FRK: variants seen among roughly 807,000 people sequenced by gnomAD.
FRK encodes the protein tyrosine-protein kinase FRK.
In FRK, 51 loss-of-function variants were observed where a neutral mutation model predicts 56.4. That is an observed-to-expected ratio of 0.90 (90% CI 0.72 to 1.14). The LOEUF is 1.14. Ranked by LOEUF, FRK falls within the 50% of genes most tolerant of loss-of-function variation. The pLI, the probability that FRK is intolerant of heterozygous loss-of-function variation, is 0.00. For missense variants in FRK, 570 were observed against 601.4 expected (o/e 0.95, Z 0.55); for synonymous variants, 245 against 217.9 (o/e 1.12, Z -1.10).
the FRK span, among the ~76,000 whole-genome samples, chr6:116,081,015 G>A: frequency 6.6e-6 from 1 of 152,218 alleles, no homozygotes; most frequent in African/African-American, 2.4e-5. Context: ...GGAAGGCAAA[G>A]GAGGAGCAAA....
Position 115,942,383 on chromosome 6 carries a change from T to C in FRK, c.*31A>G. 2 of 1,536,420 alleles carry C rather than the reference T, an allele frequency of 1.3e-6. No homozygotes were observed. The highest frequency in any genetic ancestry group is 1.8e-6 in the Non-Finnish European group (2 of 1,111,636). ...AATGGATTATTTGAATTTGTTTTGC[T>C]ACTTTATTATTTGATATTCTTCTCC... On this transcript the variant is annotated 3_prime_UTR_variant, in exon 8 of 8. Coordinates refer to ENST00000606080, the MANE Select transcript of FRK (RefSeq NM_002031.3).
At chr6:115,980,820 G>A (rs940808803) in intron 2 of FRK, among the ~76,000 whole-genome samples, 8 of 152,036 alleles carry the variant, frequency 5.3e-5, no homozygotes, top group African/African-American at 1.7e-4. Flanking sequence ...ACATAAGCCA[G>A]TGAGAAGCAC....
intron 1 of FRK, chr6:116,038,987 C>G (rs1318795181): frequency 7.0e-6 from 5 of 714,564 alleles, no homozygotes; most frequent in Admixed American, 1.8e-5. Flanking sequence ...CTTGGGAGAT[C>G]AGCCCTGGCA....
intron 1 of FRK, among the ~76,000 whole-genome samples, chr6:116,007,929 T>C (rs1775310842): frequency 6.6e-6 from 1 of 152,100 alleles, no homozygotes; most frequent in African/African-American, 2.4e-5. Flanking sequence ...TCTAAGTATG[T>C]TTTTATTTGA....
rs999199606 is a variant in FRK at position 115,940,573 on chromosome 6, C to T, written c.*1841G>A. ...CAGAATGGGAGAAAATTTTTGCAAGCTATCCATCTGACAAAGGGCTAATAC... is the reference window on the plus strand; with the variant it reads ...CAGAATGGGAGAAAATTTTTGCAAGTTATCCATCTGACAAAGGGCTAATAC... On this transcript the variant is annotated 3_prime_UTR_variant, in exon 8 of 8. Transcript: ENST00000606080. 1 of 152,094 alleles carries T rather than the reference C, an allele frequency of 6.6e-6. No individual in the cohort carries two copies. Among genetic ancestry groups the T allele is most frequent in the African/African-American group, 2.4e-5 (1 of 41,430 alleles). 9.4% of individuals were successfully genotyped at this position (152,094 alleles called of 1,614,324 possible).
chr6:116,052,818 G>C (rs1777230361), intron 1 of FRK, among the ~76,000 whole-genome samples: 1 of 152,142 alleles, frequency 6.6e-6, no homozygotes, highest in Non-Finnish European at 1.5e-5. Context: ...CTGTTACAGG[G>C]AAAGAATATT....
chr6:115,954,251 G>C (rs1230907142), intron 5 of FRK, among the ~76,000 whole-genome samples: 8 of 152,202 alleles, frequency 5.3e-5, no homozygotes, highest in Non-Finnish European at 1.5e-5. Context: ...GCAAGGAGAA[G>C]TTGTAGAAGA....
chr6:116,019,654 G>A (rs1407114695), intron 1 of FRK, among the ~76,000 whole-genome samples: 1 of 152,176 alleles, frequency 6.6e-6, no homozygotes. Flanking sequence ...CTAGAAATGA[G>A]AGAAATTGCA....
chr6:115,997,880 A>G (rs1380460902), intron 2 of FRK, among the ~76,000 whole-genome samples: 3 of 152,216 alleles, frequency 2.0e-5, no homozygotes, highest in African/African-American at 7.2e-5. Flanking sequence ...AGCTTCCCAC[A>G]GGCCAAGTGA....
chr6:116,035,150 A>G (rs1432367902), intron 1 of FRK, among the ~76,000 whole-genome samples: 1 of 152,058 alleles, frequency 6.6e-6, no homozygotes, highest in Non-Finnish European at 1.5e-5. Context: ...GAGTTTTGCT[A>G]TATAGTAGAG....
intron 2 of FRK, among the ~76,000 whole-genome samples, chr6:115,984,950 A>G (rs9400883): frequency 0.097 from 14,741 of 152,152 alleles, 1,035 homozygotes; most frequent in East Asian, 0.32. Flanking sequence ...GAAAGCTTCA[A>G]TAAGCACATC....
At position 116,058,897 on chromosome 6, in the gene FRK, C is replaced by T. The variant is rs902401108; in HGVS notation, c.344+1071G>A. ...CTGCACTCCAGCCTGGGGGACAGAG[C>T]GAGACTCCGTCTCAAAAAAAAAAAA... On this transcript the variant is annotated intron_variant, in intron 1 of 7. Coordinates refer to ENST00000606080, the MANE Select transcript of FRK (RefSeq NM_002031.3). Among the ~76,000 whole-genome samples the T allele has an allele frequency of 8.7e-5, 11 of 126,060 alleles. No individual in the cohort carries two copies. The Admixed American group carries it at 9.0e-4, about 10-fold the overall frequency. 82.7% of individuals were successfully genotyped at this position (126,060 alleles called of 152,430 possible). A position where few individuals can be genotyped will look rare whatever the true frequency, so the allele number is the denominator to read the frequency against.
rs577972674 is a variant in FRK at position 116,015,907 on chromosome 6, G to C, written c.345-11909C>G. Among the ~76,000 whole-genome samples the C allele has an allele frequency of 4.6e-5, 7 of 152,294 alleles. No individual in the cohort carries two copies. In the South Asian group the frequency reaches 8.3e-4, roughly 18 times the overall value. ...GCAGTCAGTCATATGCATTCACCAA[G>C]AGATTATCTGAAACTGGAACTTTTA... On this transcript the variant is annotated intron_variant, in intron 1 of 7. Coordinates refer to ENST00000606080, the MANE Select transcript of FRK (RefSeq NM_002031.3).
the FRK span, among the ~76,000 whole-genome samples, chr6:116,095,678 C>T: frequency 6.6e-6 from 1 of 152,144 alleles, no homozygotes; most frequent in Admixed American, 6.5e-5. Context: ...CCTACTACCA[C>T]ACACTCTCAA....
intron 1 of FRK, among the ~76,000 whole-genome samples, chr6:116,049,002 T>G (rs1777091251): frequency 6.6e-6 from 1 of 151,974 alleles, no homozygotes; most frequent in East Asian, 1.9e-4. Flanking sequence ...GTACCACAAA[T>G]TAAAATTAAG....
intron 1 of FRK, among the ~76,000 whole-genome samples, chr6:116,029,372 C>T (rs1486342739): frequency 6.6e-6 from 1 of 152,132 alleles, no homozygotes; most frequent in Non-Finnish European, 1.5e-5. Flanking sequence ...GGCCTAAAAT[C>T]ATGCTCAGAT....
At chr6:116,021,354 A>G (rs1015293455) in intron 1 of FRK, among the ~76,000 whole-genome samples, 1 of 152,138 alleles carries the variant, frequency 6.6e-6, no homozygotes, top group African/African-American at 2.4e-5. Context: ...AGAGAAATGT[A>G]TCATGAGGAA....
chr6:115,959,982 G>A (rs1352094587), intron 4 of FRK, among the ~76,000 whole-genome samples: 2 of 151,922 alleles, frequency 1.3e-5, no homozygotes, highest in Non-Finnish European at 2.9e-5. Context: ...AAAACTAACA[G>A]TTATTTTGAT....
At chr6:115,953,411 G>C (rs1289040345) in intron 5 of FRK, among the ~76,000 whole-genome samples, 2 of 151,604 alleles carry the variant, frequency 1.3e-5, no homozygotes, top group Non-Finnish European at 2.9e-5. Flanking sequence ...GGATGGTCTC[G>C]ATCTCCTGAC....
Sources: allele counts gnomAD v4.1 joint callset (sites outside exome capture counted in the v4.1 genomes callset), GRCh38; gene constraint gnomAD v4.1.1; transcripts MANE v1.5; gene names NCBI Gene and HGNC (gene_info 2026-07-23, HGNC 2026-07-21).